The following AGFG1 variants were observed in gnomAD, a reference collection of about 807,000 sequenced individuals.
AGFG1 encodes the protein arf-GAP domain and FG repeat-containing protein 1.
A neutral mutation model predicts 60.6 loss-of-function variants in AGFG1; 10 were observed. The ratio of observed to expected loss-of-function variants is 0.16; its 90% CI spans 0.10 to 0.28. AGFG1 has a LOEUF of 0.28. Ranked by LOEUF, AGFG1 falls within the 10% of genes least tolerant of loss-of-function variation. The pLI, the probability that AGFG1 is intolerant of heterozygous loss-of-function variation, is 1.00. For synonymous variants in AGFG1, 247 were observed against 242.9 expected (o/e 1.02, Z -0.16); for missense variants, 537 against 676.5 (o/e 0.79, Z 2.29).
chr2:227,540,581 A>G (rs1692461062), intron 10 of AGFG1, among the ~76,000 whole-genome samples: 1 of 152,168 alleles, frequency 6.6e-6, no homozygotes, highest in Admixed American at 6.5e-5. Context: ...ACATTTTCTT[A>G]ATCCAGTCTG....
intron 7 of AGFG1, among the ~76,000 whole-genome samples, chr2:227,534,010 A>G (rs1000017734): frequency 6.6e-6 from 1 of 152,184 alleles, no homozygotes; most frequent in African/African-American, 2.4e-5. Flanking sequence ...ATTTTGTCCT[A>G]GAAGGCGTGC....
chr2:227,506,267 C>G (rs1256792448), intron 2 of AGFG1, among the ~76,000 whole-genome samples: 1 of 152,084 alleles, frequency 6.6e-6, no homozygotes, highest in Admixed American at 6.6e-5. Flanking sequence ...TCTGCTGCTC[C>G]CATGATGAGT....
chr2:227,554,881 T>C lies in AGFG1; in HGVS notation c.*386T>C, dbSNP rs1253886615. 6.3e-6 allele frequency: 1 copy of C among 157,996 alleles called. No homozygotes were observed. The highest frequency in any genetic ancestry group is 2.4e-5 in the African/African-American group (1 of 41,746). The allele number at this position is 157,996 out of a possible 1,614,324, so 9.8% of individuals were successfully genotyped here. A position where few individuals can be genotyped will look rare whatever the true frequency, so the allele number is the denominator to read the frequency against. On this transcript the variant is annotated 3_prime_UTR_variant, in exon 13 of 13. Coordinates refer to ENST00000310078, the MANE Select transcript of AGFG1 (RefSeq NM_004504.5). ...TACTGGGGAAATAGATCAGCCACTTTTAAGGTGCTGTCATATATCTTGGAA... is the reference window on the plus strand; with the variant it reads ...TACTGGGGAAATAGATCAGCCACTTCTAAGGTGCTGTCATATATCTTGGAA...
intron 10 of AGFG1, among the ~76,000 whole-genome samples, chr2:227,540,460 C>T (rs1433997792): frequency 1.3e-5 from 2 of 152,040 alleles, no homozygotes; most frequent in Non-Finnish European, 2.9e-5. Context: ...GTTTTCTGTC[C>T]TTGCGATAGT....
At chr2:227,518,696 T>C (rs1691731614) in intron 2 of AGFG1, among the ~76,000 whole-genome samples, 1 of 151,972 alleles carries the variant, frequency 6.6e-6, no homozygotes, top group Non-Finnish European at 1.5e-5. Flanking sequence ...GCTAATTTTT[T>C]TGTATTTTTA....
At chr2:227,500,029 C>G (rs895804968) in intron 2 of AGFG1, among the ~76,000 whole-genome samples, 3 of 151,388 alleles carry the variant, frequency 2.0e-5, no homozygotes, top group Admixed American at 2.0e-4. Flanking sequence ...GCCTGTTTGT[C>G]TGTCAGGACG....
At chr2:227,540,519 A>G (rs909099319) in intron 10 of AGFG1, among the ~76,000 whole-genome samples, 1 of 152,214 alleles carries the variant, frequency 6.6e-6, no homozygotes, top group Admixed American at 6.5e-5. Flanking sequence ...TACAAAGGAC[A>G]TGAACTCATC....
chr2:227,482,555 T>C (rs187277547), intron 1 of AGFG1, among the ~76,000 whole-genome samples: 1 of 152,256 alleles, frequency 6.6e-6, no homozygotes, highest in African/African-American at 2.4e-5. Flanking sequence ...TAGATCTAAA[T>C]GTCAACTTTA....
At chr2:227,534,784 G>A (rs1692259972) in intron 7 of AGFG1, 61 bp from the exon 8 acceptor site, 10 of 1,570,406 alleles carry the variant, frequency 6.4e-6, no homozygotes, top group Non-Finnish European at 8.7e-6. Flanking sequence ...GGCAAATGTG[G>A]TTGATAAGTT....
intron 3 of AGFG1, 37 bp from the exon 4 acceptor site, chr2:227,523,726 C>T: frequency 6.4e-7 from 1 of 1,572,812 alleles, no homozygotes; most frequent in Non-Finnish European, 8.7e-7. Context: ...GAATTACCTA[C>T]ATTTTTTTTT....
intron 3 of AGFG1, among the ~76,000 whole-genome samples, chr2:227,523,027 TAA>T (rs1691869301): frequency 6.6e-6 from 1 of 152,222 alleles, no homozygotes; most frequent in Non-Finnish European, 1.5e-5. Flanking sequence ...TGTGAAATTA[TAA>T]AGAGAGGACT....
rs1215804500 is a variant in AGFG1 at position 227,536,927 on chromosome 2, G to C, written c.1312G>C (p.Ala438Pro). Residue 438 changes from alanine (A) to proline (P), a missense_variant, in exon 10 of 13, where the codon GCT becomes CCT. Physicochemically the swap from Ala to Pro is conservative, Grantham distance 27. Coordinates refer to ENST00000310078, the MANE Select transcript of AGFG1 (RefSeq NM_004504.5). The stretch of plus-strand genomic sequence containing the variant: ...TACGCCTTCCACAAATCCATTTGTT[G>C]CTGCTGCTGGTCCTTCTGTGGCATC... ...GATPSTNPFV[A>P]AAGPSVASST... 6.2e-7 allele frequency: 1 copy of C among 1,612,394 alleles called. No homozygotes were observed. The highest frequency in any genetic ancestry group is 1.3e-5 in the African/African-American group (1 of 74,874).
intron 5 of AGFG1, among the ~76,000 whole-genome samples, chr2:227,525,139 T>A (rs1035568870): frequency 5.9e-5 from 9 of 152,130 alleles, no homozygotes; most frequent in African/African-American, 2.2e-4. Flanking sequence ...CGTGGAAAAA[T>A]GGGGAAAGGA....
chr2:227,546,518 G>A (rs1255806016), intron 10 of AGFG1, among the ~76,000 whole-genome samples: 1 of 152,184 alleles, frequency 6.6e-6, no homozygotes, highest in Non-Finnish European at 1.5e-5. Flanking sequence ...CCAGTGAGAT[G>A]AACCCAGTAC....
intron 2 of AGFG1, among the ~76,000 whole-genome samples, chr2:227,491,874 C>T (rs955672172): frequency 6.6e-6 from 1 of 152,096 alleles, no homozygotes; most frequent in African/African-American, 2.4e-5. Context: ...TAAAAGTCAT[C>T]AGTCTTGAAT....
intron 1 of AGFG1, 37 bp downstream of exon 1, chr2:227,472,625 C>T: frequency 6.5e-7 from 1 of 1,545,328 alleles, no homozygotes; most frequent in East Asian, 2.7e-5. Context: ...TCGGGCCCTT[C>T]CCGGGAGGTG....
At chr2:227,523,024 T>G (rs1339065248) in intron 3 of AGFG1, among the ~76,000 whole-genome samples, 1 of 152,182 alleles carries the variant, frequency 6.6e-6, no homozygotes, top group African/African-American at 2.4e-5. Context: ...TTTTGTGAAA[T>G]TATAAAGAGA....
intron 1 of AGFG1, among the ~76,000 whole-genome samples, chr2:227,487,024 A>C (rs900139160): frequency 6.6e-6 from 1 of 152,242 alleles, no homozygotes; most frequent in Non-Finnish European, 1.5e-5. Context: ...TAGAGAAATC[A>C]AGATAAGGTG....
At position 227,559,688 on chromosome 2, in the gene AGFG1, T is replaced by C. The variant is rs2106253729; in HGVS notation, c.*5193T>C. ...TTGAGATGTTATCCAAGTTACAATT[T>C]AAGCAATGAGAGTAAAATTTGAATT... On this transcript the variant is annotated 3_prime_UTR_variant, in exon 13 of 13. Transcript: ENST00000310078. 1 of 152,314 alleles carries C rather than the reference T, an allele frequency of 6.6e-6. No individual in the cohort carries two copies. The highest frequency in any genetic ancestry group is 1.9e-4 in the East Asian group (1 of 5,188). The allele number at this position is 152,314 out of a possible 1,614,324, so 9.4% of individuals were successfully genotyped here. A position where few individuals can be genotyped will look rare whatever the true frequency, so the allele number is the denominator to read the frequency against.
Sources: allele counts gnomAD v4.1 joint callset (sites outside exome capture counted in the v4.1 genomes callset), GRCh38; gene constraint gnomAD v4.1.1; transcripts MANE v1.5; gene names NCBI Gene and HGNC (gene_info 2026-07-23, HGNC 2026-07-21).